The following CTDNEP1 variants were observed in gnomAD, a reference collection of about 807,000 sequenced individuals.
CTDNEP1 encodes the protein CTD nuclear envelope phosphatase 1, also known as C-terminal domain nuclear envelope phosphatase 1.
CTDNEP1 carries 3 observed loss-of-function variants against 30.1 expected under a neutral mutation model. The ratio of observed to expected loss-of-function variants is 0.10; its 90% CI spans 0.05 to 0.26. The LOEUF (loss-of-function observed/expected upper bound fraction) is 0.26, where lower values mean the gene tolerates loss of function less well. Ranked by LOEUF, CTDNEP1 falls within the 10% of genes least tolerant of loss-of-function variation. The pLI, the probability that CTDNEP1 is intolerant of heterozygous loss-of-function variation, is 1.00. For missense variants in CTDNEP1, 158 were observed against 310.4 expected (o/e 0.51, Z 3.69); for synonymous variants, 123 against 118.8 (o/e 1.04, Z -0.23).
chr17:7,247,788 A>C (rs953329571), intron 1 of CTDNEP1, among the ~76,000 whole-genome samples: 1 of 151,938 alleles, frequency 6.6e-6, no homozygotes, highest in Admixed American at 6.6e-5. Flanking sequence ...TCCTCAAAAC[A>C]ACCATAATAT....
rs1277106984 is a variant in CTDNEP1 at position 7,251,341 on chromosome 17, G to A, written c.-45C>T. ...CCGGCCCCGGGGCCCCCGCGGCCCA[G>A]CTCCGCCAGCCCCCCGGGGGCAGCC... On this transcript the variant is annotated 5_prime_UTR_variant, in exon 1 of 8. Coordinates refer to ENST00000574322, the MANE Select transcript of CTDNEP1 (RefSeq NM_001143775.2). 6.0e-6 allele frequency: 8 copies of A among 1,328,220 alleles called. No homozygotes were observed. The South Asian group carries it at 8.5e-5, about 14-fold the overall frequency. 82.3% of individuals were successfully genotyped at this position (1,328,220 alleles called of 1,614,324 possible).
At chr17:7,247,217 C>T (rs776684839) in intron 2 of CTDNEP1, 35 bp from the exon 3 acceptor site, 65 of 1,610,282 alleles carry the variant, frequency 4.0e-5, no homozygotes, top group Non-Finnish European at 5.4e-5. Context: ...TATTGACCGA[C>T]CTCTGACCCA....
In CTDNEP1 at chr17:7,244,042, T is replaced by C. The variant is rs2071808264; in HGVS notation, c.*143A>G. 6.9e-7 allele frequency: 1 copy of C among 1,457,102 alleles called. No homozygotes were observed. The highest frequency in any genetic ancestry group is 9.1e-7 in the Non-Finnish European group (1 of 1,101,186). The allele number at this position is 1,457,102 out of a possible 1,614,324, so 90.3% of individuals were successfully genotyped here. On this transcript the variant is annotated 3_prime_UTR_variant, in exon 8 of 8. Coordinates refer to ENST00000574322, the MANE Select transcript of CTDNEP1 (RefSeq NM_001143775.2). ...GTGTCCATCCAGACTCCAAGTGGAG[T>C]GTAGGGCTCCCAGGGCAGAGAGGGG...
chr17:7,251,232 C>A lies in CTDNEP1; in HGVS notation c.65G>T (p.Ser22Ile), dbSNP rs899416613. 1 of 1,603,044 alleles carries A rather than the reference C, an allele frequency of 6.2e-7. No individual in the cohort carries two copies. The highest frequency in any genetic ancestry group is 8.5e-7 in the Non-Finnish European group (1 of 1,176,030). ...CCTCCGCAGAAGGTAAATGAAGAAG[C>A]TCCAGAGCTTGGCGGCGAAGGCCAC... ...TFVAFAAKLW[S>I]FFIYLLRRQI... The change falls in exon 1 of 8, where the codon AGC becomes ATC. Residue 22 changes from serine (S) to isoleucine (I), a missense_variant. This residue lies in a region of CTDNEP1 where 62 missense variants were observed against 81.4 expected (regional missense o/e 0.76). Transcript: ENST00000574322.
At chr17:7,245,936 G>T in intron 6 of CTDNEP1, 90 bp downstream of exon 6, 2 of 789,666 alleles carry the variant, frequency 2.5e-6, no homozygotes, top group Non-Finnish European at 4.3e-6. Context: ...GGGAATCCCA[G>T]CTCTCAAGGA....
chr17:7,244,001 A>G lies in CTDNEP1; in HGVS notation c.*184T>C. 2 of 1,405,912 alleles carry G rather than the reference A, an allele frequency of 1.4e-6. No homozygotes were observed. The highest frequency in any genetic ancestry group is 1.9e-6 in the Non-Finnish European group (2 of 1,079,654). The allele number at this position is 1,405,912 out of a possible 1,614,324, so 87.1% of individuals were successfully genotyped here. On this transcript the variant is annotated 3_prime_UTR_variant, in exon 8 of 8. Transcript: ENST00000574322. ...ACGAAGTTAAGAGTGAGGCTGCTTC[A>G]GAGCCCCTGGCCCATGTGTCCATCC...
At chr17:7,244,438 A>G in intron 7 of CTDNEP1, 113 bp downstream of exon 7, 3 of 1,269,580 alleles carry the variant, frequency 2.4e-6, no homozygotes, top group Non-Finnish European at 3.4e-6. Flanking sequence ...TCCAAATGTT[A>G]AATTCTTAAG....
rs1272377697 is a variant in CTDNEP1, at chr17:7,244,179, C to T, written c.*6G>A. On this transcript the variant is annotated 3_prime_UTR_variant, in exon 8 of 8. Transcript: ENST00000574322. ...CACCCCAACTCAGGTGGAGGGGGAGCAGCTGTCACCAGAGCCGATGTTGGT... is the reference window on the plus strand; with the variant it reads ...CACCCCAACTCAGGTGGAGGGGGAGTAGCTGTCACCAGAGCCGATGTTGGT... 1.2e-6 allele frequency: 2 copies of T among 1,613,808 alleles called. No homozygotes were observed. The highest frequency in any genetic ancestry group is 1.7e-5 in the Admixed American group (1 of 59,994).
In CTDNEP1 at chr17:7,246,576, G is replaced by A. The variant is rs1363609877; in HGVS notation, c.361-206C>T. The A allele has an allele frequency of 1.1e-5, 7 of 646,124 alleles. No individual in the cohort carries two copies. The highest frequency in any genetic ancestry group is 3.7e-5 in the South Asian group (2 of 53,642). 40.0% of individuals were successfully genotyped at this position (646,124 alleles called of 1,614,324 possible). ...ACACTCTTATGATTCAGAAATGCAA[G>A]AACAAAAGAGAAAGATGCCAGCGGA... On this transcript the variant is annotated intron_variant, in intron 4 of 7. Transcript: ENST00000574322. This position sits in a 1 kb window ranked among gnomAD's most constrained non-coding sequence, Gnocchi z 4.9.
At chr17:7,245,740 C>T (rs749764061) in intron 6 of CTDNEP1, among the ~76,000 whole-genome samples, 6 of 151,902 alleles carry the variant, frequency 3.9e-5, no homozygotes, top group Admixed American at 3.3e-4. Flanking sequence ...CCTCGTGATC[C>T]GCCTGCCTCG....
Position 7,247,351 on chromosome 17 carries a change from T to C in CTDNEP1, c.103-8A>G, listed in dbSNP as rs757982199. 27 of 1,612,160 alleles carry C rather than the reference T, an allele frequency of 1.7e-5. No homozygotes were observed. The highest frequency in any genetic ancestry group is 2.2e-5 in the Non-Finnish European group (26 of 1,178,744). The stretch of plus-strand genomic sequence containing the variant: ...AGTTTGGTACTGAATTACCTACAAA[T>C]AGCACAAAAGAGGATTGAAACCCTT... On this transcript the variant is annotated splice_region_variant and splice_polypyrimidine_tract_variant and intron_variant, in intron 1 of 7. Coordinates refer to ENST00000574322, the MANE Select transcript of CTDNEP1 (RefSeq NM_001143775.2).
At chr17:7,245,405 A>G (rs1420881459) in intron 6 of CTDNEP1, among the ~76,000 whole-genome samples, 2 of 152,084 alleles carry the variant, frequency 1.3e-5, no homozygotes, top group East Asian at 3.9e-4. Context: ...TCGAGGCTGC[A>G]GTGAGCTATG....
rs1380680768 is a variant in CTDNEP1 at position 7,246,560 on chromosome 17, T to C, written c.361-190A>G. On this transcript the variant is annotated intron_variant, in intron 4 of 7. Transcript: ENST00000574322. The surrounding 1 kb of genome is among the most constrained non-coding windows in gnomAD (Gnocchi z 4.9). ...CAGTGTTAGGCATCCTACACTCTTATGATTCAGAAATGCAAGAACAAAAGA... is the reference window on the plus strand; with the variant it reads ...CAGTGTTAGGCATCCTACACTCTTACGATTCAGAAATGCAAGAACAAAAGA... The C allele has an allele frequency of 4.7e-6, 3 of 640,446 alleles. No individual in the cohort carries two copies. Among genetic ancestry groups the C allele is most frequent in the Non-Finnish European group, 8.2e-6 (3 of 363,770 alleles). 39.7% of individuals were successfully genotyped at this position (640,446 alleles called of 1,614,324 possible). A position where few individuals can be genotyped will look rare whatever the true frequency, so the allele number is the denominator to read the frequency against.
upstream of CTDNEP1, chr17:7,251,945 T>G (rs541118059): frequency 6.2e-6 from 1 of 160,144 alleles, no homozygotes; most frequent in East Asian, 1.9e-4. Flanking sequence ...GGTTTCCCAC[T>G]CTGACAGGCG....
intron 1 of CTDNEP1, among the ~76,000 whole-genome samples, chr17:7,248,440 A>T (rs2071872886): frequency 6.9e-6 from 1 of 144,382 alleles, no homozygotes; most frequent in South Asian, 2.2e-4. Context: ...GCTCACTGCA[A>T]CCTCCACCTC....
intron 1 of CTDNEP1, 73 bp from the exon 2 acceptor site, chr17:7,247,416 A>C (rs2142998676): frequency 8.8e-7 from 1 of 1,141,134 alleles, no homozygotes; most frequent in Non-Finnish European, 1.3e-6. Flanking sequence ...CAGGGAGCAC[A>C]TAATGAACAT....
chr17:7,244,540 A>G lies in CTDNEP1; in HGVS notation c.674+11T>C. ...TGAGATATCCAAGTGTCCAGAGCCC[A>G]CTTCCCTTACCTGAGGGCATCCAGC... On this transcript the variant is annotated intron_variant, in intron 7 of 7. Transcript: ENST00000574322. The G allele has an allele frequency of 6.2e-7, 1 of 1,609,916 alleles. No individual in the cohort carries two copies.
chr17:7,246,022 G>A lies in CTDNEP1; in HGVS notation c.589+4C>T, dbSNP rs375025658. ...CCTGCCAGACTCACCACCTTCCCCC[G>A]TACCTGGATGGCTCCTGTAAGCCCC... On this transcript the variant is annotated splice_donor_region_variant and intron_variant, in intron 6 of 7. Transcript: ENST00000574322. The surrounding 1 kb of genome is among the most constrained non-coding windows in gnomAD (Gnocchi z 4.9). 20 of 1,601,822 alleles carry A rather than the reference G, an allele frequency of 1.2e-5. No homozygotes were observed. The East Asian group carries it at 2.0e-4, about 16-fold the overall frequency.
At position 7,246,014 on chromosome 17, in the gene CTDNEP1, C is replaced by T; in HGVS notation, c.589+12G>A. 6.3e-7 allele frequency: 1 copy of T among 1,583,824 alleles called. No individual in the cohort carries two copies. Among genetic ancestry groups the T allele is most frequent in the Non-Finnish European group, 8.7e-7 (1 of 1,153,090 alleles). ...GTTCTGGTCCTGCCAGACTCACCAC[C>T]TTCCCCCGTACCTGGATGGCTCCTG... On this transcript the variant is annotated intron_variant, in intron 6 of 7. Transcript: ENST00000574322. The surrounding 1 kb of genome is among the most constrained non-coding windows in gnomAD (Gnocchi z 4.9).
Sources: allele counts gnomAD v4.1 joint callset (sites outside exome capture counted in the v4.1 genomes callset), GRCh38; gene constraint gnomAD v4.1.1; regional missense constraint gnomAD v4.1.1; non-coding constraint Gnocchi (gnomAD v3.1); transcripts MANE v1.5; gene names NCBI Gene and HGNC (gene_info 2026-07-23, HGNC 2026-07-21).